KREMEN1: variants seen among roughly 807,000 people sequenced by gnomAD.
KREMEN1 encodes the protein kringle containing transmembrane protein 1, also known as kremen protein 1.
A neutral mutation model predicts 46.5 loss-of-function variants in KREMEN1; 30 were observed. The ratio of observed to expected loss-of-function variants is 0.65; its 90% CI spans 0.48 to 0.88. The LOEUF is 0.88. Among genes scored for constraint, KREMEN1 ranks in the 40% least tolerant of loss-of-function variants. KREMEN1 has a pLI of 0.00. For synonymous variants in KREMEN1, 214 were observed against 230.6 expected (o/e 0.93, Z 0.65); for missense variants, 533 against 596.9 (o/e 0.89, Z 1.11).
At position 29,142,234 on chromosome 22, in the gene KREMEN1, G is replaced by A. The variant is rs1486325994; in HGVS notation, c.*122G>A. The A allele has an allele frequency of 2.5e-5, 35 of 1,387,638 alleles. No individual in the cohort carries two copies. Among genetic ancestry groups the A allele is most frequent in the African/African-American group, 8.9e-5 (6 of 67,532 alleles). 86.0% of individuals were successfully genotyped at this position (1,387,638 alleles called of 1,614,324 possible). Reference sequence around the variant, plus strand: ...CCTCTCCCTCTGCCTCGGCCTCTTCGGGGAAACCCTCCTCCTACAGACTAG... The same window carrying A: ...CCTCTCCCTCTGCCTCGGCCTCTTCAGGGAAACCCTCCTCCTACAGACTAG... On this transcript the variant is annotated 3_prime_UTR_variant, in exon 9 of 9. Transcript: ENST00000400335.
chr22:29,123,153 TC>T (rs2038386064), intron 4 of KREMEN1, among the ~76,000 whole-genome samples: 1 of 151,836 alleles, frequency 6.6e-6, no homozygotes, highest in Admixed American at 6.6e-5. Flanking sequence ...CAAAAAGTTC[TC>T]ACATGAGGCA....
rs368328572 is a variant in KREMEN1, at chr22:29,094,302, T to C, written c.142T>C (p.Trp48Arg). ...NGADYRGTQN[W>R]TALQGGKPCL... ...TGCGGATTATAGGGGAACACAGAAC[T>C]GGACAGCACTACAAGGCGGGAAGCC... The change falls in exon 2 of 9, where the codon TGG becomes CGG. Residue 48 changes from tryptophan (W) to arginine (R), a missense_variant. Transcript: ENST00000400335. 6 of 1,613,940 alleles carry C rather than the reference T, an allele frequency of 3.7e-6. No homozygotes were observed. Among genetic ancestry groups the C allele is most frequent in the East Asian group, 2.2e-5 (1 of 44,862 alleles).
chr22:29,120,403 AGAGGTGATGAAGGAAACAGGGAGGAG>A, intron 3 of KREMEN1, among the ~76,000 whole-genome samples: 1 of 141,684 alleles, frequency 7.1e-6, no homozygotes, highest in Non-Finnish European at 1.5e-5. Flanking sequence ...GGGAGGAGGG[AGAGGTGATGAAGGAAACAGGGAGGAG>A]GGAGAGGTGA....
chr22:29,143,674 G>A lies in KREMEN1; in HGVS notation c.*1562G>A, dbSNP rs1293819973. 1.3e-5 allele frequency: 11 copies of A among 850,794 alleles called. No individual in the cohort carries two copies. The highest frequency in any genetic ancestry group is 1.1e-4 in the South Asian group (2 of 18,510). The allele number at this position is 850,794 out of a possible 1,614,324, so 52.7% of individuals were successfully genotyped here. ...GGAGAATGGCGTGAACCCGGGAGGC[G>A]GAGCTTGCAGTGAGCAGAGATCACG... On this transcript the variant is annotated 3_prime_UTR_variant, in exon 9 of 9. Coordinates refer to ENST00000400335, the MANE Select transcript of KREMEN1 (RefSeq NM_001039570.3).
intron 1 of KREMEN1, among the ~76,000 whole-genome samples, chr22:29,078,288 C>T (rs1175855146): frequency 1.3e-5 from 2 of 151,954 alleles, no homozygotes; most frequent in African/African-American, 2.4e-5. Flanking sequence ...ACAAAAACAC[C>T]TTGAAAATGT....
At chr22:29,098,537 C>T (rs951277165) in intron 2 of KREMEN1, among the ~76,000 whole-genome samples, 1 of 152,166 alleles carries the variant, frequency 6.6e-6, no homozygotes, top group Non-Finnish European at 1.5e-5. Context: ...CTTGGAATCT[C>T]CATGCTCACA....
chr22:29,105,575 A>G (rs1475782852), intron 3 of KREMEN1, among the ~76,000 whole-genome samples: 2 of 152,082 alleles, frequency 1.3e-5, no homozygotes, highest in Non-Finnish European at 2.9e-5. Context: ...AAGGGGCAGG[A>G]GATGAGGTCT....
At chr22:29,129,928 T>A (rs1462145173) in intron 5 of KREMEN1, among the ~76,000 whole-genome samples, 1 of 152,138 alleles carries the variant, frequency 6.6e-6, no homozygotes, top group Non-Finnish European at 1.5e-5. Flanking sequence ...ATTTATTGAA[T>A]TAACATAACC....
At chr22:29,121,327 G>A (rs765034493) in intron 3 of KREMEN1, 30 bp from the exon 4 acceptor site, 79 of 1,611,160 alleles carry the variant, frequency 4.9e-5, no homozygotes, top group Admixed American at 1.3e-4. Flanking sequence ...CAGATGTTGC[G>A]AAATTCTTTT....
Position 29,145,909 on chromosome 22 carries a change from C to G in KREMEN1, c.*3797C>G, listed in dbSNP as rs1259169172. 2 of 985,782 alleles carry G rather than the reference C, an allele frequency of 2.0e-6. No homozygotes were observed. Among genetic ancestry groups the G allele is most frequent in the Admixed American group, 1.2e-4 (2 of 16,268 alleles). 61.1% of individuals were successfully genotyped at this position (985,782 alleles called of 1,614,324 possible). ...GCCTGGGTGCGGCTCCACCCACATG[C>G]CCCACTGTCAGCCCAGGCAGGAGCC... On this transcript the variant is annotated 3_prime_UTR_variant, in exon 9 of 9. Coordinates refer to ENST00000400335, the MANE Select transcript of KREMEN1 (RefSeq NM_001039570.3).
At chr22:29,112,444 A>G (rs2038167963) in intron 3 of KREMEN1, among the ~76,000 whole-genome samples, 1 of 152,160 alleles carries the variant, frequency 6.6e-6, no homozygotes, top group East Asian at 1.9e-4. Flanking sequence ...GTACCTTCAC[A>G]ATGAAGCCAC....
intron 1 of KREMEN1, among the ~76,000 whole-genome samples, chr22:29,092,137 CTGA>C (rs2037814760): frequency 6.6e-6 from 1 of 152,140 alleles, no homozygotes; most frequent in Non-Finnish European, 1.5e-5. Context: ...AAACTGTTCT[CTGA>C]TGATAAAGGG....
At chr22:29,166,753 A>G (rs915300617) in intron 9 of KREMEN1, among the ~76,000 whole-genome samples, 9 of 152,132 alleles carry the variant, frequency 5.9e-5, no homozygotes, top group African/African-American at 1.9e-4. Context: ...AGCCTGGGCA[A>G]TATAGTGAGA....
At chr22:29,134,507 T>G (rs1422090883) in intron 5 of KREMEN1, among the ~76,000 whole-genome samples, 1 of 152,230 alleles carries the variant, frequency 6.6e-6, no homozygotes, top group African/African-American at 2.4e-5. Context: ...CTGATCGTTC[T>G]AGCATCTGGG....
Position 29,141,933 on chromosome 22 carries a change from C to A in KREMEN1, c.1209-11C>A. 6.4e-7 allele frequency: 1 copy of A among 1,573,620 alleles called. No individual in the cohort carries two copies. Among genetic ancestry groups the A allele is most frequent in the South Asian group, 1.2e-5 (1 of 84,058 alleles). On this transcript the variant is annotated splice_polypyrimidine_tract_variant and intron_variant, in intron 8 of 8. Transcript: ENST00000400335. ...CTAATCTATTGGAAAAAATATTTAT[C>A]TGCTTGACAGATCCCATCGTGTTCC...
chr22:29,112,488 C>T (rs1200577769), intron 3 of KREMEN1, among the ~76,000 whole-genome samples: 1 of 152,160 alleles, frequency 6.6e-6, no homozygotes, highest in East Asian at 1.9e-4. Context: ...TTTAGTGGGC[C>T]TGCCTGATTG....
At chr22:29,084,178 T>G (rs2037698242) in intron 1 of KREMEN1, among the ~76,000 whole-genome samples, 1 of 152,176 alleles carries the variant, frequency 6.6e-6, no homozygotes, top group Non-Finnish European at 1.5e-5. Context: ...TAATGAGCTG[T>G]GAGGATGACC....
chr22:29,146,855 TC>T, downstream of KREMEN1: 1 of 907,702 alleles, frequency 1.1e-6, no homozygotes, highest in Non-Finnish European at 1.3e-6. Flanking sequence ...CTATGGGAGT[TC>T]CCCAGAGAGC....
rs1053676412 is a variant in KREMEN1, at chr22:29,144,692, C to T, written c.*2580C>T. ...TGTGCAGCACAAAGGGAATGTGGCACGTGGCCCCAGGAAGAGTTCACCCGG... is the reference window on the plus strand; with the variant it reads ...TGTGCAGCACAAAGGGAATGTGGCATGTGGCCCCAGGAAGAGTTCACCCGG... On this transcript the variant is annotated 3_prime_UTR_variant, in exon 9 of 9. Coordinates refer to ENST00000400335, the MANE Select transcript of KREMEN1 (RefSeq NM_001039570.3). 42 of 985,410 alleles carry T rather than the reference C, an allele frequency of 4.3e-5. No homozygotes were observed. The African/African-American group carries it at 6.3e-4, about 15-fold the overall frequency. The allele number at this position is 985,410 out of a possible 1,614,324, so 61.0% of individuals were successfully genotyped here.
Sources: allele counts gnomAD v4.1 joint callset (sites outside exome capture counted in the v4.1 genomes callset), GRCh38; gene constraint gnomAD v4.1.1; transcripts MANE v1.5; gene names NCBI Gene and HGNC (gene_info 2026-07-23, HGNC 2026-07-21).